Variants in SH3YL1 observed in about 807,000 individuals in gnomAD.
The protein encoded by SH3YL1 is SH3 and SYLF domain containing 1, also known as SH3 domain-containing YSC84-like protein 1.
SH3YL1 carries 41 observed loss-of-function variants against 45.8 expected under a neutral mutation model. That is an observed-to-expected ratio of 0.89 (90% CI 0.70 to 1.16). SH3YL1 has a LOEUF of 1.16. Among genes scored for constraint, SH3YL1 ranks in the 50% most tolerant of loss-of-function variants. The pLI, the probability that SH3YL1 is intolerant of heterozygous loss-of-function variation, is 0.00. For missense variants in SH3YL1, 389 were observed against 409.6 expected, an observed-to-expected ratio of 0.95 and a Z score of 0.43; for synonymous variants, 152 against 151.4, an observed-to-expected ratio of 1.00 and a Z score of -0.03.
At chr2:228,087 G>A (rs532341771) in intron 8 of SH3YL1, among the ~76,000 whole-genome samples, 2 of 152,310 alleles carry the variant, frequency 1.3e-5, no homozygotes, top group South Asian at 4.1e-4. Context: ...GGTATCGCAT[G>A]GAAAAACTGT....
chr2:259,594 C>G (rs1669502192), intron 1 of SH3YL1: 1 of 151,580 alleles, frequency 6.6e-6, no homozygotes, highest in Non-Finnish European at 1.5e-5. Flanking sequence ...GACAGCCCAG[C>G]CTTGACAGAA....
rs1558230090 is a variant in SH3YL1 at position 219,021 on chromosome 2, T to C, written c.839-20A>G. The C allele has an allele frequency of 6.3e-6, 10 of 1,597,626 alleles. No individual in the cohort carries two copies. Among genetic ancestry groups the C allele is most frequent in the Non-Finnish European group, 8.5e-6 (10 of 1,171,124 alleles). On this transcript the variant is annotated intron_variant, in intron 9 of 9. Transcript: ENST00000356150. ...AATTGCCTGAAACAAGAAAAAAGTA[T>C]TCACGTTTATGTTCTTTAAGGGAGA...
chr2:250,237 A>C (rs1669019252), intron 2 of SH3YL1, among the ~76,000 whole-genome samples: 2 of 152,244 alleles, frequency 1.3e-5, no homozygotes. Flanking sequence ...ATATAGTATT[A>C]AGGAGAAACT....
chr2:245,366 T>G (rs1207100253), intron 4 of SH3YL1, among the ~76,000 whole-genome samples: 1 of 152,232 alleles, frequency 6.6e-6, no homozygotes, highest in Non-Finnish European at 1.5e-5. Context: ...ATTTCCATAC[T>G]GTCATGAAGA....
In SH3YL1 at chr2:249,775, G is replaced by T. The variant is rs1423292890; in HGVS notation, c.182C>A (p.Ala61Asp). The change falls in exon 3 of 10, where the codon GCC becomes GAC. Residue 61 changes from alanine (A) to aspartate (D), a missense_variant. Physicochemically the swap from Ala to Asp is moderately radical, Grantham distance 126. Transcript: ENST00000356150. Reference protein sequence around the residue: ...SVIKAGFLVTARGGSGIVVAR... With the variant: ...SVIKAGFLVTDRGGSGIVVAR... The stretch of plus-strand genomic sequence containing the variant: ...CACTACAATCCCGCTGCCTCCTCTG[G>T]CAGTCACCAGGAACCCGGCTTTGAT... 15 of 1,551,908 alleles carry T rather than the reference G, an allele frequency of 9.7e-6. No individual in the cohort carries two copies. The highest frequency in any genetic ancestry group is 1.3e-5 in the Non-Finnish European group (15 of 1,147,030).
At position 244,474 on chromosome 2, in the gene SH3YL1, C is replaced by T. The variant is rs373530795; in HGVS notation, c.291+3064G>A. ...TTGCTCCACTGCACTCCAGCCTGGG[C>T]GACAGAGCAAGACTCTGCCTCAAAA... On this transcript the variant is annotated intron_variant, in intron 4 of 9. Coordinates refer to ENST00000356150, the MANE Select transcript of SH3YL1 (RefSeq NM_015677.4). 3.4e-4 allele frequency among the ~76,000 whole-genome samples: 50 copies of T among 145,234 alleles called. No homozygotes were observed. The East Asian group carries it at 7.8e-3, about 23-fold the overall frequency.
chr2:263,725 C>T (rs534630521), intron 1 of SH3YL1: 2 of 448,974 alleles, frequency 4.5e-6, no homozygotes, highest in South Asian at 7.7e-5. Context: ...AAAAATAACA[C>T]GACCATCGTC....
intron 1 of SH3YL1, among the ~76,000 whole-genome samples, chr2:253,554 A>C (rs996414120): frequency 1.3e-5 from 2 of 152,212 alleles, no homozygotes; most frequent in African/African-American, 4.8e-5. Context: ...ATATGGTCTA[A>C]AAAGGAGAGG....
At chr2:227,920 T>C in intron 8 of SH3YL1, among the ~76,000 whole-genome samples, 1 of 152,074 alleles carries the variant, frequency 6.6e-6, no homozygotes, top group East Asian at 1.9e-4. Flanking sequence ...TAAGGATATG[T>C]AAATAAATTG....
intron 6 of SH3YL1, among the ~76,000 whole-genome samples, chr2:231,988 T>C (rs1371511939): frequency 6.6e-6 from 1 of 151,954 alleles, no homozygotes; most frequent in Non-Finnish European, 1.5e-5. Context: ...GGCGGGTCTG[T>C]CTGCCACGCG....
intron 4 of SH3YL1, chr2:240,740 A>G (rs1668507334): frequency 6.6e-6 from 1 of 152,258 alleles, no homozygotes; most frequent in Admixed American, 6.5e-5. Flanking sequence ...AATGGAGACA[A>G]ACAGCTTAAC....
At chr2:238,790 C>T (rs1668415997) in intron 4 of SH3YL1, among the ~76,000 whole-genome samples, 1 of 152,232 alleles carries the variant, frequency 6.6e-6, no homozygotes, top group African/African-American at 2.4e-5. Flanking sequence ...AATCTCAACT[C>T]TCTTTACTAA....
At chr2:244,087 C>A (rs1430325420) in intron 4 of SH3YL1, among the ~76,000 whole-genome samples, 1 of 152,144 alleles carries the variant, frequency 6.6e-6, no homozygotes, top group Non-Finnish European at 1.5e-5. Context: ...TCTCTGGCTG[C>A]CTCCTACTGG....
intron 9 of SH3YL1, among the ~76,000 whole-genome samples, chr2:221,492 G>A (rs17041739): frequency 6.6e-6 from 1 of 152,210 alleles, no homozygotes; most frequent in African/African-American, 2.4e-5. Flanking sequence ...TCACAATCAG[G>A]TGTTGGTCTA....
In SH3YL1 at chr2:234,143, C is replaced by G; in HGVS notation, c.404+17G>C. On this transcript the variant is annotated intron_variant, in intron 5 of 9. Coordinates refer to ENST00000356150, the MANE Select transcript of SH3YL1 (RefSeq NM_015677.4). ...TTGTTAAACCTTTACTGTCTAACAT[C>G]TATTTAAAGAACTCACCTTCCCAAG... 8 of 1,560,134 alleles carry G rather than the reference C, an allele frequency of 5.1e-6. No individual in the cohort carries two copies. The highest frequency in any genetic ancestry group is 6.2e-6 in the Non-Finnish European group (7 of 1,137,832).
intron 4 of SH3YL1, among the ~76,000 whole-genome samples, chr2:235,245 C>T (rs980528203): frequency 3.9e-5 from 6 of 152,384 alleles, no homozygotes; most frequent in African/African-American, 1.2e-4. Context: ...GGCAGGTCAA[C>T]ACAGTGAAAG....
At chr2:258,450 G>A (rs573434192) in intron 1 of SH3YL1, among the ~76,000 whole-genome samples, 6 of 152,138 alleles carry the variant, frequency 3.9e-5, no homozygotes, top group East Asian at 1.9e-4. Flanking sequence ...GCCATTTCTC[G>A]ATCTGTTTTT....
intron 6 of SH3YL1, among the ~76,000 whole-genome samples, chr2:231,471 C>T (rs1481403693): frequency 6.6e-6 from 1 of 152,140 alleles, no homozygotes; most frequent in African/African-American, 2.4e-5. Context: ...AATACTTATA[C>T]TTGCCCATAT....
chr2:250,079 T>C (rs1287479005), intron 2 of SH3YL1, among the ~76,000 whole-genome samples: 3 of 152,220 alleles, frequency 2.0e-5, no homozygotes, highest in Non-Finnish European at 2.9e-5. Context: ...ATAAATATCC[T>C]CACATCCTGT....
Sources: allele counts gnomAD v4.1 joint callset (sites outside exome capture counted in the v4.1 genomes callset), GRCh38; gene constraint gnomAD v4.1.1; transcripts MANE v1.5; gene names NCBI Gene and HGNC (gene_info 2026-07-23, HGNC 2026-07-21).